CLPTM1L: variants seen among roughly 807,000 people sequenced by gnomAD.
CLPTM1L encodes the protein lipid scramblase CLPTM1L.
CLPTM1L carries 38 observed loss-of-function variants against 70.9 expected under a neutral mutation model. The observed-to-expected ratio is 0.54, with a 90% CI of 0.41 to 0.70. The LOEUF is 0.70. Ranked by LOEUF, CLPTM1L falls within the 30% of genes least tolerant of loss-of-function variation. CLPTM1L has a pLI of 0.00. For synonymous variants in CLPTM1L, 339 were observed against 299.9 expected (o/e 1.13, Z -1.35); for missense variants, 652 against 705.9 (o/e 0.92, Z 0.87).
chr5:1,323,928 C>T, intron 11 of CLPTM1L, 59 bp from the exon 12 acceptor site: 1 of 1,299,010 alleles, frequency 7.7e-7, no homozygotes, highest in South Asian at 1.2e-5. Context: ...TCTGTAAACA[C>T]ACTGCATGGA....
In CLPTM1L at chr5:1,342,501, C is replaced by T. The variant is rs1754014154; in HGVS notation, c.264-641G>A. Among the ~76,000 whole-genome samples the T allele has an allele frequency of 6.6e-6, 1 of 152,210 alleles. No homozygotes were observed. Among genetic ancestry groups the T allele is most frequent in the Admixed American group, 6.5e-5 (1 of 15,286 alleles). ...TCGGACCAGGTGCCTGGCTCTTCAC[C>T]CGCACACCAGGGCCCGACGTCCATA... On this transcript the variant is annotated intron_variant, in intron 2 of 16. Transcript: ENST00000320895. This position sits in a 1 kb window ranked among gnomAD's most constrained non-coding sequence, Gnocchi z 4.3.
chr5:1,336,730 T>C (rs1415907229), intron 5 of CLPTM1L, among the ~76,000 whole-genome samples: 1 of 152,148 alleles, frequency 6.6e-6, no homozygotes, highest in South Asian at 2.1e-4. Flanking sequence ...CCAGACCTGC[T>C]CGCCAGCCAC....
chr5:1,333,009 ATACTGTAGACACACCGGATAAGGGGGGAC>A (rs1753217181), intron 7 of CLPTM1L, among the ~76,000 whole-genome samples: 2 of 87,304 alleles, frequency 2.3e-5, no homozygotes, highest in Admixed American at 1.2e-4. Flanking sequence ...TAAGGGGGGA[ATACTGTAGACACACCGGATAAGGGGGGAC>A]TACTGTATAC....
chr5:1,326,010 C>A (rs1054487069), intron 9 of CLPTM1L, 194 bp from the exon 10 acceptor site: 19 of 573,534 alleles, frequency 3.3e-5, no homozygotes, highest in Middle Eastern at 4.2e-4. Context: ...ACACGGCAGG[C>A]GTACCTGGTC....
chr5:1,338,190 A>G, intron 4 of CLPTM1L: 1 of 596,910 alleles, frequency 1.7e-6, no homozygotes, highest in Non-Finnish European at 3.0e-6. Flanking sequence ...CCCGCTCCCC[A>G]GGAAGTGATG....
Position 1,318,375 on chromosome 5 carries a change from C to T in CLPTM1L, c.1611G>A (p.Thr537=), listed in dbSNP as rs372391081. 3.8e-5 allele frequency: 62 copies of T among 1,613,248 alleles called. No homozygotes were observed. In the East Asian group the frequency reaches 4.7e-4, roughly 12 times the overall value. Residue 537 remains threonine, a synonymous_variant, in exon 17 of 17, where the codon ACG becomes ACA. Coordinates refer to ENST00000320895, the MANE Select transcript of CLPTM1L (RefSeq NM_030782.5). This position sits in a 1 kb window ranked among gnomAD's most constrained non-coding sequence, Gnocchi z 8.9. ...YEEKATRAPH[T]D ...GCGGCAGCCCGGGCGGCCTTCAGTC[C>T]GTGTGGGGCGCCCGCGTGGCCTTCT...
rs570812837 is a variant in CLPTM1L at position 1,342,815 on chromosome 5, C to T, written c.264-955G>A. Among the ~76,000 whole-genome samples the T allele has an allele frequency of 6.6e-6, 1 of 152,370 alleles. No homozygotes were observed. Among genetic ancestry groups the T allele is most frequent in the South Asian group, 2.1e-4 (1 of 4,832 alleles). On this transcript the variant is annotated intron_variant, in intron 2 of 16. Coordinates refer to ENST00000320895, the MANE Select transcript of CLPTM1L (RefSeq NM_030782.5). The surrounding 1 kb of genome is among the most constrained non-coding windows in gnomAD (Gnocchi z 4.3). ...CATTGCCTAGGCTGGTCTTGAACTG[C>T]TGGGCTCAAGTGATCCTCCCGCCTT...
intron 6 of CLPTM1L, among the ~76,000 whole-genome samples, chr5:1,334,818 T>G (rs1753456669): frequency 6.6e-6 from 1 of 152,220 alleles, no homozygotes; most frequent in Admixed American, 6.5e-5. Flanking sequence ...TAAGGTTCAT[T>G]TGACCAAACT....
rs772327079 is a variant in CLPTM1L at position 1,334,254 on chromosome 5, A to G, written c.891+35T>C. The G allele has an allele frequency of 6.4e-6, 10 of 1,551,526 alleles. No homozygotes were observed. In the African/African-American group the frequency reaches 6.8e-5, roughly 11 times the overall value. ...GGCCCGGGGCCCAGGGAGCCCCCCA[A>G]GTGCCTGCGGCAAGCCCCCCGGTGG... On this transcript the variant is annotated intron_variant, in intron 7 of 16. Coordinates refer to ENST00000320895, the MANE Select transcript of CLPTM1L (RefSeq NM_030782.5).
chr5:1,318,700 C>T lies in CLPTM1L; in HGVS notation c.1533-247G>A, dbSNP rs375723506. Among the ~76,000 whole-genome samples the T allele has an allele frequency of 3.7e-4, 57 of 152,196 alleles. 2 individuals are homozygous for T. The highest frequency in any genetic ancestry group is 2.9e-3 in the Admixed American group (45 of 15,292). On this transcript the variant is annotated intron_variant, in intron 16 of 16. Coordinates refer to ENST00000320895, the MANE Select transcript of CLPTM1L (RefSeq NM_030782.5). This position sits in a 1 kb window ranked among gnomAD's most constrained non-coding sequence, Gnocchi z 8.9. ...GGGAAGCTTGGCCGAAGGGACGACC[C>T]GGAGGCTGCACGGGCTGCCATGGCT...
chr5:1,343,527 C>A (rs919870553), intron 2 of CLPTM1L, among the ~76,000 whole-genome samples: 2 of 152,200 alleles, frequency 1.3e-5, no homozygotes, highest in Non-Finnish European at 2.9e-5. Flanking sequence ...GCAGATGAAT[C>A]CTGAGCATTT....
intron 6 of CLPTM1L, among the ~76,000 whole-genome samples, chr5:1,334,746 T>C (rs1177774836): frequency 2.0e-5 from 3 of 148,812 alleles, no homozygotes; most frequent in African/African-American, 7.6e-5. Context: ...AGAGCGAGAC[T>C]CTGTCTCAAA....
chr5:1,330,095 C>T (rs1752984235), intron 9 of CLPTM1L, among the ~76,000 whole-genome samples, 185 bp downstream of exon 9: 2 of 152,160 alleles, frequency 1.3e-5, no homozygotes, highest in Admixed American at 1.3e-4. Context: ...CATTTCCTTG[C>T]TCTCCACTTG....
chr5:1,340,405 A>T (rs1753866263), intron 3 of CLPTM1L, among the ~76,000 whole-genome samples: 2 of 152,330 alleles, frequency 1.3e-5, no homozygotes, highest in South Asian at 4.1e-4. Context: ...CTCGGCTCAG[A>T]TCTGATACAT....
At chr5:1,326,218 T>A in intron 9 of CLPTM1L, 1 of 256,468 alleles carries the variant, frequency 3.9e-6, no homozygotes. Flanking sequence ...CCCACGGAGC[T>A]CAGGACGGGT....
chr5:1,340,131 G>A (rs1365104222), intron 3 of CLPTM1L, among the ~76,000 whole-genome samples: 1 of 152,218 alleles, frequency 6.6e-6, no homozygotes. Flanking sequence ...TGCAACATGT[G>A]GTCACGGACT....
At chr5:1,328,747 G>C (rs1752835018) in intron 9 of CLPTM1L, among the ~76,000 whole-genome samples, 1 of 151,020 alleles carries the variant, frequency 6.6e-6, no homozygotes, top group Non-Finnish European at 1.5e-5. Flanking sequence ...ATTTCATCCA[G>C]CTCCTCCTCT....
intron 13 of CLPTM1L, 58 bp from the exon 14 acceptor site, chr5:1,321,877 C>A (rs1289761063): frequency 2.7e-6 from 4 of 1,506,038 alleles, no homozygotes; most frequent in Middle Eastern, 1.9e-4. Flanking sequence ...CACATCTACG[C>A]ACAGACGGCA....
At chr5:1,331,374 C>A (rs113603732) in intron 8 of CLPTM1L, 5,235 of 196,556 alleles carry the variant, frequency 0.027, 314 homozygotes, top group African/African-American at 0.11. Flanking sequence ...AGGCCCCACA[C>A]GCCCAGGCCT....
Sources: allele counts gnomAD v4.1 joint callset (sites outside exome capture counted in the v4.1 genomes callset), GRCh38; gene constraint gnomAD v4.1.1; non-coding constraint Gnocchi (gnomAD v3.1); transcripts MANE v1.5; gene names NCBI Gene and HGNC (gene_info 2026-07-23, HGNC 2026-07-21).